Variants in LUZP2 observed in about 807,000 individuals in gnomAD.
LUZP2 encodes leucine zipper protein 2.
LUZP2 carries 52 observed loss-of-function variants against 51.6 expected under a neutral mutation model. That is an observed-to-expected ratio of 1.01 (90% CI 0.81 to 1.27). The LOEUF is 1.27. LUZP2 is among the 50% of genes most tolerant of loss of function. The pLI is 0.00. For synonymous variants in LUZP2, 154 were observed against 137.3 expected, an observed-to-expected ratio of 1.12 and a Z score of -0.85; for missense variants, 436 against 395.4, an observed-to-expected ratio of 1.10 and a Z score of -0.87.
At chr11:24,848,933 C>G (rs1311892185) in intron 5 of LUZP2, among the ~76,000 whole-genome samples, 4 of 151,930 alleles carry the variant, frequency 2.6e-5, no homozygotes, top group African/African-American at 9.7e-5. Flanking sequence ...AAGAGCATAC[C>G]TCAAAATAAT....
chr11:24,812,314 C>A lies in LUZP2; in HGVS notation c.396+49006C>A, dbSNP rs189030182. ...CTGAAAACACAGGTCAGTTGAAAAG[C>A]TAACAGTGAATTAAGAGATACATGG... is the stretch of plus-strand genomic sequence containing the variant. On this transcript the variant is annotated intron_variant, in intron 5 of 11. Transcript: ENST00000336930. Among the ~76,000 whole-genome samples the A allele has an allele frequency of 1.4e-4, 22 of 152,188 alleles. 1 individual carries two copies. In the East Asian group the frequency reaches 4.3e-3, roughly 29 times the overall value.
At chr11:25,004,116 G>A (rs1363366245) in intron 9 of LUZP2, among the ~76,000 whole-genome samples, 1 of 152,144 alleles carries the variant, frequency 6.6e-6, no homozygotes, top group Non-Finnish European at 1.5e-5. Flanking sequence ...GATGACATGA[G>A]CTGGCGCTTG....
chr11:24,779,554 A>C (rs1849029334), intron 5 of LUZP2, among the ~76,000 whole-genome samples: 1 of 152,200 alleles, frequency 6.6e-6, no homozygotes, highest in Non-Finnish European at 1.5e-5. Context: ...ATAAATGTAA[A>C]GTGTTAATTA....
chr11:24,949,979 T>C (rs1307617670), intron 7 of LUZP2, among the ~76,000 whole-genome samples: 7 of 150,356 alleles, frequency 4.7e-5, no homozygotes, highest in African/African-American at 1.7e-4. Flanking sequence ...TTTTTTTTTT[T>C]TTTTTGAGAT....
At chr11:24,875,577 T>C (rs12291630) in intron 5 of LUZP2, among the ~76,000 whole-genome samples, 65,280 of 139,270 alleles carry the variant, frequency 0.47, 15,756 homozygotes, top group East Asian at 0.67. Flanking sequence ...GTGCATGTGT[T>C]TTTATAGCAG....
At chr11:25,062,908 C>A (rs1181004432) in intron 10 of LUZP2, among the ~76,000 whole-genome samples, 1 of 151,364 alleles carries the variant, frequency 6.6e-6, no homozygotes, top group Non-Finnish European at 1.5e-5. Flanking sequence ...TTTGTTTGAC[C>A]AATATCTTGT....
At chr11:24,712,690 C>T (rs1437844599) in intron 1 of LUZP2, among the ~76,000 whole-genome samples, 2 of 152,074 alleles carry the variant, frequency 1.3e-5, no homozygotes, top group African/African-American at 2.4e-5. Flanking sequence ...AGGCCATGGA[C>T]AGATTACCAT....
chr11:24,658,455 C>A (rs1040767718), intron 1 of LUZP2, among the ~76,000 whole-genome samples: 1 of 152,048 alleles, frequency 6.6e-6, no homozygotes, highest in Non-Finnish European at 1.5e-5. Context: ...AATGTTAGAC[C>A]TAAAACCATA....
chr11:24,891,973 T>C, intron 5 of LUZP2: 1 of 985,652 alleles, frequency 1.0e-6, no homozygotes, highest in Non-Finnish European at 1.2e-6. Context: ...GGGTGTCCAG[T>C]ACAGTAGGTA....
chr11:24,521,341 A>G (rs1850634165), intron 1 of LUZP2, among the ~76,000 whole-genome samples: 1 of 97,974 alleles, frequency 1.0e-5, no homozygotes, highest in South Asian at 4.3e-4. Context: ...ACAGAGCGAG[A>G]CTCCATCTCA....
intron 5 of LUZP2, chr11:24,786,184 G>T: frequency 1.0e-6 from 1 of 970,636 alleles, no homozygotes; most frequent in South Asian, 4.8e-5. Context: ...AAACCAAGAA[G>T]CATATTATAT....
At chr11:24,732,026 G>A (rs912438464) in intron 2 of LUZP2, 92 bp from the exon 3 acceptor site, 11 of 851,748 alleles carry the variant, frequency 1.3e-5, no homozygotes, top group African/African-American at 5.2e-5. Context: ...CAGGGCATAT[G>A]TGCAGTCCTA....
intron 7 of LUZP2, among the ~76,000 whole-genome samples, chr11:24,919,259 A>T (rs1853926112): frequency 0.11 from 2 of 18 alleles, no homozygotes; most frequent in Non-Finnish European, 0.2. Flanking sequence ...TATGTTATAT[A>T]TTATATATGA....
intron 5 of LUZP2, among the ~76,000 whole-genome samples, chr11:24,883,519 T>G (rs1852559563): frequency 6.6e-6 from 1 of 152,026 alleles, no homozygotes; most frequent in South Asian, 2.1e-4. Flanking sequence ...CTTTGAAATT[T>G]ATAGCAGCTA....
chr11:24,925,239 G>T (rs1369119527), intron 7 of LUZP2, among the ~76,000 whole-genome samples: 1 of 152,110 alleles, frequency 6.6e-6, no homozygotes, highest in Non-Finnish European at 1.5e-5. Context: ...GGACAGCTGT[G>T]CCTGGATTTC....
chr11:24,639,297 A>C (rs1163530033), intron 1 of LUZP2, among the ~76,000 whole-genome samples: 1 of 151,352 alleles, frequency 6.6e-6, no homozygotes, highest in Non-Finnish European at 1.5e-5. Flanking sequence ...TTTCTCATTA[A>C]ATTTTTATAG....
intron 7 of LUZP2, among the ~76,000 whole-genome samples, chr11:24,937,240 ATTCCT>A (rs1423444410): frequency 6.6e-6 from 1 of 152,218 alleles, no homozygotes; most frequent in African/African-American, 2.4e-5. Flanking sequence ...TATTTTGTTC[ATTCCT>A]TCTTGCTTAG....
intron 10 of LUZP2, 59 bp downstream of exon 10, chr11:25,050,189 T>G (rs1858450928): frequency 1.0e-6 from 1 of 966,608 alleles, no homozygotes; most frequent in Non-Finnish European, 1.5e-6. Context: ...GCACAAGCAT[T>G]TTAGCAATTC....
At chr11:24,744,801 A>T (rs1040990442) in intron 4 of LUZP2, among the ~76,000 whole-genome samples, 10 of 138,336 alleles carry the variant, frequency 7.2e-5, no homozygotes, top group African/African-American at 2.4e-4. Context: ...GTGACCTTAG[A>T]GTGTCAGTTT....
Sources: allele counts gnomAD v4.1 joint callset (sites outside exome capture counted in the v4.1 genomes callset), GRCh38; gene constraint gnomAD v4.1.1; transcripts MANE v1.5; gene names NCBI Gene and HGNC (gene_info 2026-07-23, HGNC 2026-07-21).